The following VRTN variants were observed in gnomAD, a reference collection of about 807,000 sequenced individuals.
VRTN encodes the protein vertebrae development associated, also known as vertnin.
In VRTN, 5 loss-of-function variants were observed where a neutral mutation model predicts 18.2. The ratio of observed to expected loss-of-function variants is 0.27; its 90% CI spans 0.14 to 0.58. VRTN has a LOEUF of 0.58. Among genes scored for constraint, VRTN ranks in the 20% least tolerant of loss-of-function variants. The pLI is 0.91. For synonymous variants in VRTN, 381 were observed against 393.7 expected, an observed-to-expected ratio of 0.97 and a Z score of 0.38; for missense variants, 741 against 939.4, an observed-to-expected ratio of 0.79 and a Z score of 2.76.
At chr14:74,341,402 G>T (rs4899509) in intron 2 of VRTN, among the ~76,000 whole-genome samples, 57,198 of 152,068 alleles carry the variant, frequency 0.38, 12,619 homozygotes, top group African/African-American at 0.62. Flanking sequence ...CATAGGACTT[G>T]CTTTTAGTAG....
chr14:74,323,199 A>G (rs1468407856), intron 1 of VRTN, among the ~76,000 whole-genome samples: 1 of 152,186 alleles, frequency 6.6e-6, no homozygotes, highest in African/African-American at 2.4e-5. Flanking sequence ...TCCACCTACA[A>G]GCTGCATAGA....
At chr14:74,316,039 G>A (rs2085417728) in intron 1 of VRTN, among the ~76,000 whole-genome samples, 1 of 152,184 alleles carries the variant, frequency 6.6e-6, no homozygotes, top group Non-Finnish European at 1.5e-5. Context: ...TCTCAAAGGA[G>A]CTGATAGCTG....
intron 1 of VRTN, among the ~76,000 whole-genome samples, chr14:74,336,234 CCT>C (rs1304847693): frequency 1.3e-5 from 2 of 151,600 alleles, no homozygotes; most frequent in African/African-American, 4.8e-5. Context: ...ATGGAGAAAC[CCT>C]GTCTCTACTA....
At chr14:74,341,765 T>C (rs781696726) in intron 2 of VRTN, among the ~76,000 whole-genome samples, 8 of 152,164 alleles carry the variant, frequency 5.3e-5, no homozygotes, top group Non-Finnish European at 1.2e-4. Context: ...GTGATCCACA[T>C]GCCTCGGCCT....
At chr14:74,310,986 T>C (rs1471229861) in intron 1 of VRTN, among the ~76,000 whole-genome samples, 1 of 152,142 alleles carries the variant, frequency 6.6e-6, no homozygotes, top group Non-Finnish European at 1.5e-5. Context: ...CCACTGCACC[T>C]AGCCTCAGTT....
intron 1 of VRTN, chr14:74,337,616 C>G (rs1412284708): frequency 6.6e-6 from 1 of 152,176 alleles, no homozygotes; most frequent in East Asian, 1.9e-4. Flanking sequence ...GGACCACAAG[C>G]CCTTGAAACT....
At chr14:74,353,171 C>T (rs1004321338) in intron 1 of VRTN, among the ~76,000 whole-genome samples, 3 of 152,080 alleles carry the variant, frequency 2.0e-5, no homozygotes, top group African/African-American at 7.2e-5. Flanking sequence ...TGCCTACAGT[C>T]CTAGTTACTC....
chr14:74,359,132 T>G lies in VRTN; in HGVS notation c.*240T>G. ...GATATCCTCTTTCGTTGTTTGCTGG[T>G]CATATTTTTACTGTTATGATTTAGT... On this transcript the variant is annotated 3_prime_UTR_variant, in exon 2 of 2. Transcript: ENST00000256362. 1.3e-6 allele frequency: 1 copy of G among 746,774 alleles called. No individual in the cohort carries two copies. Among genetic ancestry groups the G allele is most frequent in the Non-Finnish European group, 1.9e-6 (1 of 524,288 alleles). The allele number at this position is 746,774 out of a possible 1,614,324, so 46.3% of individuals were successfully genotyped here.
chr14:74,351,309 T>C (rs556222417), intron 1 of VRTN, among the ~76,000 whole-genome samples: 1 of 152,284 alleles, frequency 6.6e-6, no homozygotes, highest in South Asian at 2.1e-4. Context: ...AAAGTAATAG[T>C]TTTCTTTTTA....
intron 1 of VRTN, among the ~76,000 whole-genome samples, chr14:74,332,356 T>G (rs1296354776): frequency 3.1e-5 from 4 of 127,742 alleles, no homozygotes; most frequent in African/African-American, 9.6e-5. Flanking sequence ...TTTTTTTTTT[T>G]TTTTTTTTTT....
rs373263694 is a variant in VRTN at position 74,355,306 on chromosome 14, CTGAA to C, written c.-1-1473_-1-1470del. 2.9e-3 allele frequency among the ~76,000 whole-genome samples: 443 copies of C among 152,212 alleles called. 2 individuals carry two copies. The highest frequency in any genetic ancestry group is 0.01 in the African/African-American group (424 of 41,512). ...AAATATCTGCCAAATATATCCAAAT[CTGAA>C]TGACCAGTGTCTATTAGACTTTCTT... On this transcript the variant is annotated intron_variant, in intron 1 of 1. Coordinates refer to ENST00000256362, the MANE Select transcript of VRTN (RefSeq NM_018228.3).
intron 1 of VRTN, among the ~76,000 whole-genome samples, chr14:74,309,303 C>T (rs1355919306): frequency 6.6e-6 from 1 of 152,180 alleles, no homozygotes; most frequent in African/African-American, 2.4e-5. Flanking sequence ...GTTGTGTTCA[C>T]ACTACTGTGT....
chr14:74,340,763 T>C (rs2085599688), intron 2 of VRTN, among the ~76,000 whole-genome samples: 1 of 152,236 alleles, frequency 6.6e-6, no homozygotes, highest in Non-Finnish European at 1.5e-5. Context: ...TTTATTTTTA[T>C]TTTTTGAGAC....
intron 1 of VRTN, among the ~76,000 whole-genome samples, chr14:74,336,741 C>G (rs1269659899): frequency 6.6e-6 from 1 of 152,068 alleles, no homozygotes; most frequent in East Asian, 1.9e-4. Context: ...CCATTGCACT[C>G]CAGCCTGGGC....
rs1317132303 is a variant in VRTN, at chr14:74,357,884, G to A, written c.1101G>A (p.Glu367=). The change falls in exon 2 of 2, where the codon GAG becomes GAA. Residue 367 remains glutamate, a synonymous_variant. Coordinates refer to ENST00000256362, the MANE Select transcript of VRTN (RefSeq NM_018228.3). The surrounding 1 kb of genome is among the most constrained non-coding windows in gnomAD (Gnocchi z 7.8). ...SGTCPALPPR[E]VLGMEELEKL... Reference sequence around the variant, plus strand: ...CCTGCCCGGCCTTGCCCCCCAGGGAGGTGCTGGGCATGGAGGAGCTAGAGA... The same window carrying A: ...CCTGCCCGGCCTTGCCCCCCAGGGAAGTGCTGGGCATGGAGGAGCTAGAGA... The A allele has an allele frequency of 1.9e-6, 3 of 1,613,934 alleles. No individual in the cohort carries two copies. The highest frequency in any genetic ancestry group is 2.5e-6 in the Non-Finnish European group (3 of 1,180,044).
At chr14:74,338,393 T>C (rs1472169576) in intron 2 of VRTN, among the ~76,000 whole-genome samples, 2 of 152,184 alleles carry the variant, frequency 1.3e-5, no homozygotes, top group African/African-American at 4.8e-5. Context: ...CTTGTTACTT[T>C]CCTCAGTAAT....
chr14:74,305,125 A>G (rs1222017761), intron 1 of VRTN, among the ~76,000 whole-genome samples: 1 of 152,164 alleles, frequency 6.6e-6, no homozygotes, highest in East Asian at 1.9e-4. Flanking sequence ...TGAGGTCAGG[A>G]GTTCAAGACC....
intron 1 of VRTN, chr14:74,306,170 ATATTTTTT>A (rs1230527954): frequency 3.1e-5 from 2 of 64,742 alleles, no homozygotes; most frequent in African/African-American, 1.1e-4. Flanking sequence ...ATATATATAT[ATATTTTTT>A]TTTTTTTTTT....
intron 1 of VRTN, among the ~76,000 whole-genome samples, chr14:74,324,749 G>A (rs967281720): frequency 1.4e-4 from 3 of 20,976 alleles, no homozygotes; most frequent in East Asian, 1.4e-3. Flanking sequence ...TTAGCCGAGC[G>A]TGGTGGCGCA....
Sources: gnomAD v4.1 joint callset for allele counts (sites outside exome capture counted in the v4.1 genomes callset) on GRCh38, gnomAD v4.1.1 for gene constraint, Gnocchi (gnomAD v3.1) non-coding constraint, MANE v1.5 for transcripts, NCBI Gene and HGNC (gene_info 2026-07-23, HGNC 2026-07-21) for gene names.